The following ERICH1 variants were observed in gnomAD, a reference collection of about 807,000 sequenced individuals.
ERICH1 encodes the protein glutamate rich 1, also known as glutamate-rich protein 1.
Under a neutral mutation model 39.6 loss-of-function variants are expected in ERICH1, and 56 were observed. The observed-to-expected ratio is 1.41, with a 90% confidence interval of 1.14 to 1.77. ERICH1 has a LOEUF of 1.77. Ranked by LOEUF, ERICH1 falls within the 40% of genes most tolerant of loss-of-function variation. The pLI is 0.00. For missense variants in ERICH1, 826 were observed against 575.4 expected (o/e 1.44, Z -4.45); for synonymous variants, 313 against 223.6 (o/e 1.40, Z -3.57).
At chr8:614,842 C>T (rs1796837320) in exon 4 of ERICH1, 1 of 185,440 alleles carries the variant, frequency 5.4e-6, no homozygotes, top group Non-Finnish European at 1.1e-5. Context: ...AAAAAGCATC[C>T]TTCGTGACAG....
intron 3 of ERICH1, among the ~76,000 whole-genome samples, chr8:686,440 A>C (rs1807394571): frequency 6.6e-6 from 1 of 151,896 alleles, no homozygotes; most frequent in Non-Finnish European, 1.5e-5. Context: ...GTTTCTTCCT[A>C]GGCAAGCTAA....
chr8:703,603 G>C (rs1177704998), intron 2 of ERICH1, among the ~76,000 whole-genome samples: 1 of 152,228 alleles, frequency 6.6e-6, no homozygotes, highest in African/African-American at 2.4e-5. Context: ...AAGATAAACA[G>C]GGAGGGAGAG....
At chr8:700,283 C>CCGCACACG (rs1811672913) in intron 2 of ERICH1, among the ~76,000 whole-genome samples, 1 of 91,412 alleles carries the variant, frequency 1.1e-5, no homozygotes, top group Non-Finnish European at 2.4e-5. Flanking sequence ...GCGCACAGAC[C>CCGCACACG]CGCACAGGCC....
At chr8:642,452 C>G (rs1005619032) in intron 3 of ERICH1, among the ~76,000 whole-genome samples, 1 of 145,416 alleles carries the variant, frequency 6.9e-6, no homozygotes, top group Admixed American at 7.2e-5. Flanking sequence ...TCACGCCATT[C>G]TCCTGCCTCA....
chr8:730,529 G>A (rs1051180307), intron 1 of ERICH1, among the ~76,000 whole-genome samples: 1 of 152,216 alleles, frequency 6.6e-6, no homozygotes, highest in African/African-American at 2.4e-5. Context: ...CAGGAAGCAG[G>A]AGCACGCTTT....
At chr8:662,857 G>A (rs968227192), downstream of ERICH1, among the ~76,000 whole-genome samples, 1 of 152,138 alleles carries the variant, frequency 6.6e-6, no homozygotes, top group African/African-American at 2.4e-5. Flanking sequence ...TCGGAGTTAG[G>A]GGAAGAGAAG....
chr8:631,494 G>C (rs542586979), intron 3 of ERICH1, among the ~76,000 whole-genome samples: 2 of 152,190 alleles, frequency 1.3e-5, no homozygotes, highest in Non-Finnish European at 2.9e-5. Flanking sequence ...TTAACAGTCC[G>C]ATGTCTGCGC....
downstream of ERICH1, among the ~76,000 whole-genome samples, chr8:660,791 C>G (rs56295006): frequency 0.041 from 6,226 of 152,310 alleles, 165 homozygotes; most frequent in Non-Finnish European, 0.063. Context: ...GCGCTAAGAT[C>G]CGCAGCTTTC....
exon 4 of ERICH1, chr8:614,889 AG>A (rs1266719191): frequency 4.4e-6 from 1 of 227,772 alleles, no homozygotes; most frequent in Non-Finnish European, 8.4e-6. Flanking sequence ...CCAGCCAATT[AG>A]GTTCCTCAGT....
intron 2 of ERICH1, among the ~76,000 whole-genome samples, chr8:704,646 G>T (rs991726666): frequency 6.6e-6 from 1 of 152,056 alleles, no homozygotes; most frequent in Admixed American, 6.6e-5. Context: ...ATATTGGAAG[G>T]ACGGGGGTTG....
chr8:658,437 G>A (rs1307764591), intron 3 of ERICH1, among the ~76,000 whole-genome samples: 4 of 152,282 alleles, frequency 2.6e-5, no homozygotes, highest in East Asian at 1.9e-4. Flanking sequence ...CAGGGGCTTC[G>A]ACCTCCCTGA....
chr8:622,223 G>T (rs1335138382), intron 3 of ERICH1, among the ~76,000 whole-genome samples: 1 of 151,986 alleles, frequency 6.6e-6, no homozygotes, highest in Admixed American at 6.6e-5. Flanking sequence ...TTCTGTCTCA[G>T]AAAAATAAAA....
chr8:708,080 T>C (rs1585545381), intron 2 of ERICH1, among the ~76,000 whole-genome samples: 1 of 151,442 alleles, frequency 6.6e-6, no homozygotes, highest in Admixed American at 6.6e-5. Flanking sequence ...AAAACCACAA[T>C]GAGATACCAC....
At chr8:684,879 A>C (rs2131987235) in intron 3 of ERICH1, among the ~76,000 whole-genome samples, 1 of 152,338 alleles carries the variant, frequency 6.6e-6, no homozygotes, top group African/African-American at 2.4e-5. Context: ...CAGAGATCAC[A>C]TGCTTCACGG....
Position 714,988 on chromosome 8 carries a change from C to T in ERICH1, c.169+873G>A, listed in dbSNP as rs561552612. Among the ~76,000 whole-genome samples, 5 of 149,576 alleles carry T rather than the reference C, an allele frequency of 3.3e-5. No individual in the cohort carries two copies. In the East Asian group the frequency reaches 1.0e-3, roughly 30 times the overall value. ...CTCAGTTGGATGTGCTGCGCACAGC[C>T]GGTCTATTCTCGTGTCTCTTGGTGG... On this transcript the variant is annotated intron_variant, in intron 2 of 5. Coordinates refer to ENST00000262109, the MANE Select transcript of ERICH1 (RefSeq NM_207332.3).
At chr8:635,748 G>A (rs1798387848) in intron 3 of ERICH1, among the ~76,000 whole-genome samples, 1 of 152,188 alleles carries the variant, frequency 6.6e-6, no homozygotes, top group South Asian at 2.1e-4. Flanking sequence ...ATCGAGTGGG[G>A]CCGACGCTCC....
intron 3 of ERICH1, chr8:640,809 T>C (rs1438529850): frequency 6.6e-6 from 1 of 152,202 alleles, no homozygotes; most frequent in Non-Finnish European, 1.5e-5. Flanking sequence ...ATCTTCCAAT[T>C]TGATTTCGAC....
intron 3 of ERICH1, among the ~76,000 whole-genome samples, chr8:639,437 T>G (rs574752122): frequency 6.6e-6 from 1 of 152,356 alleles, no homozygotes; most frequent in Admixed American, 6.5e-5. Flanking sequence ...TGAAAAGCAC[T>G]TTGAACTAAG....
intron 3 of ERICH1, among the ~76,000 whole-genome samples, chr8:621,134 A>G (rs535331379): frequency 6.6e-6 from 1 of 152,328 alleles, no homozygotes; most frequent in African/African-American, 2.4e-5. Flanking sequence ...GAAATTCACA[A>G]ATATGTGAAA....
Sources: gnomAD v4.1 joint callset for allele counts (sites outside exome capture counted in the v4.1 genomes callset) on GRCh38, gnomAD v4.1.1 for gene constraint, MANE v1.5 for transcripts, NCBI Gene and HGNC (gene_info 2026-07-23, HGNC 2026-07-21) for gene names.